The following ELP5 variants were observed in gnomAD, a reference collection of about 807,000 sequenced individuals.
ELP5 encodes the protein elongator complex protein 5.
A neutral mutation model predicts 33.4 loss-of-function variants in ELP5; 34 were observed. The ratio of observed to expected loss-of-function variants is 1.02; its 90% confidence interval spans 0.78 to 1.36. The LOEUF is 1.36. ELP5 is among the 40% of genes most tolerant of loss of function. The probability of loss-of-function intolerance (pLI) is 0.00; values close to 1 mark genes in which losing one functional copy is unlikely to be tolerated. For missense variants in ELP5, 373 were observed against 371.7 expected (o/e 1.00, Z -0.03); for synonymous variants, 161 against 146.4 (o/e 1.10, Z -0.72).
chr17:7,258,903 G>C lies in ELP5; in HGVS notation c.765G>C (p.Leu255=), dbSNP rs146003612. 3.2e-5 allele frequency: 52 copies of C among 1,614,130 alleles called. No individual in the cohort carries two copies. The African/African-American group carries it at 6.7e-4, about 21-fold the overall frequency. The part of the protein sequence containing the change: ...KEREARDSLI[L]PFQFSSEKQQ... ...GAGAAGCCAGAGATAGCCTGATCCTGCCCTTCCAGTTCAGTTCTGAAAAGT... is the reference window on the plus strand; with the variant it reads ...GAGAAGCCAGAGATAGCCTGATCCTCCCCTTCCAGTTCAGTTCTGAAAAGT... Residue 255 remains leucine (L), a synonymous_variant, in exon 7 of 8, where the codon CTG becomes CTC. Coordinates refer to ENST00000396628, the MANE Select transcript of ELP5 (RefSeq NM_203414.3).
intron 4 of ELP5, among the ~76,000 whole-genome samples, chr17:7,255,649 C>T (rs948611135): frequency 3.3e-5 from 5 of 152,170 alleles, no homozygotes; most frequent in Non-Finnish European, 7.3e-5. Context: ...AGGAGTCAGA[C>T]GCCCAGCTTT....
chr17:7,254,849 C>A, intron 4 of ELP5, 46 bp downstream of exon 4: 1 of 1,501,790 alleles, frequency 6.7e-7, no homozygotes, highest in Non-Finnish European at 9.2e-7. Context: ...CTCCCTCTGC[C>A]AAGGAGTGTG....
At position 7,254,808 on chromosome 17, in the gene ELP5, G is replaced by A. The variant is rs753764616; in HGVS notation, c.409+5G>A. 6.2e-7 allele frequency: 1 copy of A among 1,611,998 alleles called. No individual in the cohort carries two copies. Among genetic ancestry groups the A allele is most frequent in the Non-Finnish European group, 8.5e-7 (1 of 1,178,046 alleles). Reference sequence around the variant, plus strand: ...GCCATCAGGACTCTTGTCCTGGTGAGACCCCTCCTTCATTGTTTCCCCTCA... The same window carrying A: ...GCCATCAGGACTCTTGTCCTGGTGAAACCCCTCCTTCATTGTTTCCCCTCA... On this transcript the variant is annotated splice_donor_5th_base_variant and intron_variant, in intron 4 of 7. Transcript: ENST00000396628.
Position 7,259,684 on chromosome 17 carries a change from G to A in ELP5, c.902G>A (p.Ter301=). 1.2e-6 allele frequency: 2 copies of A among 1,614,120 alleles called. No individual in the cohort carries two copies. The highest frequency in any genetic ancestry group is 1.7e-6 in the Non-Finnish European group (2 of 1,179,978). The change falls in exon 8 of 8, where the codon TGA becomes TAA. Residue 301 remains the stop codon, a stop_retained_variant. Transcript: ENST00000396628. ...GACCCAGATGACGACCTGGATATTT[G>A]ACTGGCCAGATTTGATTAGATTGTA... ...QEDPDDDLDI[*] is the part of the protein sequence containing the mutation.
Position 7,252,959 on chromosome 17 carries a change from A to G in ELP5, c.149A>G (p.Glu50Gly), listed in dbSNP as rs1410391433. 6.2e-7 allele frequency: 1 copy of G among 1,614,068 alleles called. No individual in the cohort carries two copies. The highest frequency in any genetic ancestry group is 1.3e-5 in the African/African-American group (1 of 74,916). ...ATCCTGGGCTGTGAAGTGAGCGAGG[A>G]AGAGTTTCGTGAAGGTTTTGACTCT... is the stretch of plus-strand genomic sequence containing the variant. The part of the protein sequence containing the change: ...VHILGCEVSE[E>G]EFREGFDSDI... Residue 50 changes from glutamate (E) to glycine (G), a missense_variant, in exon 3 of 8, where the codon GAA becomes GGA. By Grantham distance (98) the Glu-to-Gly change is moderately conservative. Coordinates refer to ENST00000396628, the MANE Select transcript of ELP5 (RefSeq NM_203414.3).
chr17:7,254,552 T>C, intron 3 of ELP5, 31 bp from the exon 4 acceptor site: 3 of 1,522,218 alleles, frequency 2.0e-6, no homozygotes, highest in Non-Finnish European at 2.7e-6. Context: ...GAAGGGGCAA[T>C]ATTATATTGT....
chr17:7,258,581 T>C lies in ELP5; in HGVS notation c.592-7T>C, dbSNP rs2072132451. 1 of 1,612,634 alleles carries C rather than the reference T, an allele frequency of 6.2e-7. No homozygotes were observed. ...ATGAAAAAAACTCTTTTCTTTTTTCTCTCCAGACTCAGTGGTTCTCCATCC... is the reference window on the plus strand; with the variant it reads ...ATGAAAAAAACTCTTTTCTTTTTTCCCTCCAGACTCAGTGGTTCTCCATCC... On this transcript the variant is annotated splice_region_variant and splice_polypyrimidine_tract_variant and intron_variant, in intron 5 of 7. Transcript: ENST00000396628.
intron 5 of ELP5, 37 bp from the exon 6 acceptor site, chr17:7,258,551 G>C (rs755815621): frequency 1.2e-6 from 2 of 1,601,578 alleles, no homozygotes; most frequent in Non-Finnish European, 1.7e-6. Flanking sequence ...AGTTTCTTCA[G>C]TAAGATGAAA....
chr17:7,255,340 A>G (rs931024233), intron 4 of ELP5, among the ~76,000 whole-genome samples: 6 of 151,872 alleles, frequency 4.0e-5, no homozygotes. Flanking sequence ...CCTGGCTAAC[A>G]TGGTGAAACC....
intron 3 of ELP5, among the ~76,000 whole-genome samples, chr17:7,253,466 G>C (rs994333620): frequency 2.6e-5 from 4 of 152,314 alleles, no homozygotes; most frequent in Admixed American, 2.6e-4. Flanking sequence ...GGACTTTAGT[G>C]GGTAGAATTT....
Position 7,259,670 on chromosome 17 carries a change from C to T in ELP5, c.888C>T (p.Asp296=), listed in dbSNP as rs766596642. The change falls in exon 8 of 8, where the codon GAC becomes GAT. Residue 296 remains aspartate, a synonymous_variant. Coordinates refer to ENST00000396628, the MANE Select transcript of ELP5 (RefSeq NM_203414.3). ...YDDLDQEDPD[D]DLDI is the part of the protein sequence containing the mutation. ...ACCTGGACCAAGAAGACCCAGATGA[C>T]GACCTGGATATTTGACTGGCCAGAT... 4 of 1,614,170 alleles carry T rather than the reference C, an allele frequency of 2.5e-6. No homozygotes were observed. The highest frequency in any genetic ancestry group is 1.1e-5 in the South Asian group (1 of 91,086).
At chr17:7,259,120 T>G in intron 7 of ELP5, 194 bp downstream of exon 7, 2 of 1,439,066 alleles carry the variant, frequency 1.4e-6, no homozygotes, top group South Asian at 1.5e-5. Context: ...TTTCTCTCCC[T>G]TATACCCTTG....
Position 7,254,761 on chromosome 17 carries a change from T to C in ELP5, c.367T>C (p.Cys123Arg). The C allele has an allele frequency of 1.2e-6, 2 of 1,614,154 alleles. No individual in the cohort carries two copies. The highest frequency in any genetic ancestry group is 1.7e-6 in the Non-Finnish European group (2 of 1,180,022). Reference protein sequence around the residue: ...LLLRLPCTTLCQVLHAVSHQD... With the variant: ...LLLRLPCTTLRQVLHAVSHQD... ...ACTTCGCCTTCCCTGCACCACACTC[T>C]GCCAGGTCCTGCATGCTGTGAGCCA... is the stretch of plus-strand genomic sequence containing the variant. The change falls in exon 4 of 8, where the codon TGC becomes CGC. Residue 123 changes from cysteine (C) to arginine (R), a missense_variant. Physicochemically the swap from Cys to Arg is radical, Grantham distance 180. Coordinates refer to ENST00000396628, the MANE Select transcript of ELP5 (RefSeq NM_203414.3).
At chr17:7,257,149 T>C in intron 5 of ELP5, 111 bp downstream of exon 5, 2 of 1,178,626 alleles carry the variant, frequency 1.7e-6, no homozygotes, top group East Asian at 2.7e-5. Context: ...AAAACAAACT[T>C]TTTTAGAGAT....
intron 5 of ELP5, among the ~76,000 whole-genome samples, chr17:7,258,184 T>A (rs906014274): frequency 2.6e-5 from 4 of 151,896 alleles, no homozygotes; most frequent in African/African-American, 9.7e-5. Flanking sequence ...CGCAGTGGCT[T>A]ACACCTGTAA....
rs2072093698 is a variant in ELP5, at chr17:7,257,057, G to C, written c.591+19G>C. The C allele has an allele frequency of 6.5e-7, 1 of 1,532,256 alleles. No individual in the cohort carries two copies. The highest frequency in any genetic ancestry group is 1.4e-5 in the African/African-American group (1 of 72,218). 94.9% of individuals were successfully genotyped at this position (1,532,256 alleles called of 1,614,324 possible). ...TGACCAGGTCAGAAGAACCAACAGAGAAGGACTGGAAACGGGGGACAGAGA... is the reference window on the plus strand; with the variant it reads ...TGACCAGGTCAGAAGAACCAACAGACAAGGACTGGAAACGGGGGACAGAGA... On this transcript the variant is annotated intron_variant, in intron 5 of 7. Transcript: ENST00000396628.
intron 7 of ELP5, 199 bp downstream of exon 7, chr17:7,259,125 C>G (rs1245882157): frequency 1.9e-5 from 27 of 1,435,534 alleles, no homozygotes; most frequent in Non-Finnish European, 2.5e-5. Flanking sequence ...CTCCCTTATA[C>G]CCTTGGGTCA....
chr17:7,253,063 C>T (rs1311420663), intron 3 of ELP5, 65 bp downstream of exon 3: 1 of 1,497,752 alleles, frequency 6.7e-7, no homozygotes, highest in Non-Finnish European at 9.3e-7. Flanking sequence ...AATTTCTTTA[C>T]AACAAGCGCA....
chr17:7,254,154 C>T (rs2072018657), intron 3 of ELP5, among the ~76,000 whole-genome samples: 1 of 152,232 alleles, frequency 6.6e-6, no homozygotes. Context: ...AGCTGTTCTA[C>T]AGGCAGGACC....
Sources: allele counts gnomAD v4.1 joint callset (sites outside exome capture counted in the v4.1 genomes callset), GRCh38; gene constraint gnomAD v4.1.1; transcripts MANE v1.5; gene names NCBI Gene and HGNC (gene_info 2026-07-23, HGNC 2026-07-21).